The following ZSCAN26 variants were observed in gnomAD, a reference collection of about 807,000 sequenced individuals.
The protein encoded by ZSCAN26 is zinc finger and SCAN domain containing 26.
In ZSCAN26, 26 loss-of-function variants were observed where a neutral mutation model predicts 23.0. That is an observed-to-expected ratio of 1.13 (90% CI 0.83 to 1.57). The LOEUF (loss-of-function observed/expected upper bound fraction) is 1.57, where lower values mean the gene tolerates loss of function less well. ZSCAN26 is among the 40% of genes most tolerant of loss of function. The pLI is 0.00. For missense variants in ZSCAN26, 528 were observed against 568.5 expected (o/e 0.93, Z 0.72); for synonymous variants, 180 against 202.5 (o/e 0.89, Z 0.94).
rs947636904 is a variant in ZSCAN26 at position 28,277,984 on chromosome 6, C to T, written c.*888C>T. ...TTGAAATGTTGCTTGTTCTGGAATA[C>T]TTCGGAAGTTAAACAATAAAGTCAG... On this transcript the variant is annotated 3_prime_UTR_variant, in exon 4 of 4. Coordinates refer to ENST00000421553, the MANE Select transcript of ZSCAN26 (RefSeq NM_001023560.4). 1 of 152,120 alleles carries T rather than the reference C, an allele frequency of 6.6e-6. No homozygotes were observed. The highest frequency in any genetic ancestry group is 2.4e-5 in the African/African-American group (1 of 41,408). 9.4% of individuals were successfully genotyped at this position (152,120 alleles called of 1,614,324 possible). A position where few individuals can be genotyped will look rare whatever the true frequency, so the allele number is the denominator to read the frequency against.
Position 28,272,145 on chromosome 6 carries a change from T to C in ZSCAN26, c.226T>C (p.Cys76Arg). The change falls in exon 2 of 4, where the codon TGT becomes CGT. Residue 76 changes from cysteine (C) to arginine (R), a missense_variant. Coordinates refer to ENST00000421553, the MANE Select transcript of ZSCAN26 (RefSeq NM_001023560.4). ...REALSRLREL[C>R]QQWLQPETHT... ...AGCACTAAGTCGGCTCCGGGAGCTC[T>C]GTCAACAGTGGCTACAGCCCGAGAC... 2 of 1,612,880 alleles carry C rather than the reference T, an allele frequency of 1.2e-6. No individual in the cohort carries two copies. Among genetic ancestry groups the C allele is most frequent in the South Asian group, 1.1e-5 (1 of 90,792 alleles).
In ZSCAN26 at chr6:28,267,418, T is replaced by C. The variant is rs1241768481; in HGVS notation, c.-67+205T>C. ...AGTACAACCTTCTGCTGCATATTTT[T>C]CATCCATTCAGCGCAATTTTAAGTA... On this transcript the variant is annotated intron_variant, in intron 1 of 3. Transcript: ENST00000421553. The C allele has an allele frequency of 3.3e-5, 5 of 151,994 alleles. No homozygotes were observed. In the East Asian group the frequency reaches 9.7e-4, roughly 30 times the overall value. 9.4% of individuals were successfully genotyped at this position (151,994 alleles called of 1,614,324 possible). A position where few individuals can be genotyped will look rare whatever the true frequency, so the allele number is the denominator to read the frequency against.
chr6:28,271,802 C>A, intron 1 of ZSCAN26, 52 bp from the exon 2 acceptor site: 1 of 897,794 alleles, frequency 1.1e-6, no homozygotes, highest in Non-Finnish European at 1.7e-6. Context: ...TGTTACTGTT[C>A]TTGTTAGCAG....
chr6:28,271,801 T>A, intron 1 of ZSCAN26, 53 bp from the exon 2 acceptor site: 1 of 894,252 alleles, frequency 1.1e-6, no homozygotes, highest in Non-Finnish European at 1.7e-6. Context: ...ATGTTACTGT[T>A]CTTGTTAGCA....
chr6:28,277,952 T>C lies in ZSCAN26; in HGVS notation c.*856T>C, dbSNP rs1487324947. Reference sequence around the variant, plus strand: ...GACTTTTTCCCTTTAATACTGATGATGCAATTTTGAAATGTTGCTTGTTCT... The same window carrying C: ...GACTTTTTCCCTTTAATACTGATGACGCAATTTTGAAATGTTGCTTGTTCT... On this transcript the variant is annotated 3_prime_UTR_variant, in exon 4 of 4. Coordinates refer to ENST00000421553, the MANE Select transcript of ZSCAN26 (RefSeq NM_001023560.4). 1 of 152,232 alleles carries C rather than the reference T, an allele frequency of 6.6e-6. No homozygotes were observed. Among genetic ancestry groups the C allele is most frequent in the Non-Finnish European group, 1.5e-5 (1 of 68,044 alleles). 9.4% of individuals were successfully genotyped at this position (152,232 alleles called of 1,614,324 possible). A position where few individuals can be genotyped will look rare whatever the true frequency, so the allele number is the denominator to read the frequency against.
At chr6:28,275,145 G>C (rs981756917) in intron 3 of ZSCAN26, among the ~76,000 whole-genome samples, 2 of 151,968 alleles carry the variant, frequency 1.3e-5, no homozygotes, top group Non-Finnish European at 2.9e-5. Flanking sequence ...TGCTCACACT[G>C]ATTAACCCTC....
In ZSCAN26 at chr6:28,276,631, C is replaced by T. The variant is rs2113729478; in HGVS notation, c.975C>T (p.Gly325=). 6.2e-7 allele frequency: 1 copy of T among 1,611,752 alleles called. No homozygotes were observed. Among genetic ancestry groups the T allele is most frequent in the Non-Finnish European group, 8.5e-7 (1 of 1,178,870 alleles). ...ECGKVFSQNA[G]LLEHLRIHTG... Reference sequence around the variant, plus strand: ...GCAAAGTCTTTAGCCAGAATGCAGGCCTTTTGGAACATCTCAGAATTCATA... The same window carrying T: ...GCAAAGTCTTTAGCCAGAATGCAGGTCTTTTGGAACATCTCAGAATTCATA... Residue 325 remains glycine (G), a synonymous_variant, in exon 4 of 4, where the codon GGC becomes GGT. Coordinates refer to ENST00000421553, the MANE Select transcript of ZSCAN26 (RefSeq NM_001023560.4).
Position 28,272,232 on chromosome 6 carries a change from A to G in ZSCAN26, c.313A>G (p.Lys105Glu). The G allele has an allele frequency of 6.2e-7, 1 of 1,613,776 alleles. No homozygotes were observed. Reference sequence around the variant, plus strand: ...GGAGCAGTTTCTGATCATCCTGCCTAAGGAGCTCCAGGCCCGGGTGCAGGA... The same window carrying G: ...GGAGCAGTTTCTGATCATCCTGCCTGAGGAGCTCCAGGCCCGGGTGCAGGA... The part of the protein sequence containing the change: ...VLEQFLIILP[K>E]ELQARVQEHH... The change falls in exon 2 of 4, where the codon AAG becomes GAG. Residue 105 changes from lysine (K) to glutamate (E), a missense_variant. Coordinates refer to ENST00000421553, the MANE Select transcript of ZSCAN26 (RefSeq NM_001023560.4).
chr6:28,271,762 G>A, intron 1 of ZSCAN26, 92 bp from the exon 2 acceptor site: 1 of 664,328 alleles, frequency 1.5e-6, no homozygotes, highest in South Asian at 2.5e-5. Context: ...AGAAAAAATG[G>A]ATAATAGGAA....
In ZSCAN26 at chr6:28,272,159, A is replaced by G. The variant is rs1381250371; in HGVS notation, c.240A>G (p.Leu80=). 1 of 1,613,330 alleles carries G rather than the reference A, an allele frequency of 6.2e-7. No homozygotes were observed. ...SRLRELCQQW[L]QPETHTKEQI... is the part of the protein sequence containing the mutation. ...TCCGGGAGCTCTGTCAACAGTGGCT[A>G]CAGCCCGAGACCCATACCAAGGAGC... The change falls in exon 2 of 4, where the codon CTA becomes CTG. Residue 80 remains leucine, a synonymous_variant. Coordinates refer to ENST00000421553, the MANE Select transcript of ZSCAN26 (RefSeq NM_001023560.4).
At position 28,273,559 on chromosome 6, in the gene ZSCAN26, A is replaced by C. The variant is rs113830178; in HGVS notation, c.538+772A>C. On this transcript the variant is annotated intron_variant, in intron 3 of 3. Transcript: ENST00000421553. ...CTGTCTCAAAAAACAAACAAACAAA[A>C]AAAAAAACAAGTACTGCTAGTTTCT... Among the ~76,000 whole-genome samples the C allele has an allele frequency of 5.5e-3, 838 of 151,728 alleles. 4 individuals carry two copies. Among genetic ancestry groups the C allele is most frequent in the African/African-American group, 0.016 (656 of 41,228 alleles).
chr6:28,269,565 G>A (rs928491957), intron 1 of ZSCAN26, among the ~76,000 whole-genome samples: 1 of 152,154 alleles, frequency 6.6e-6, no homozygotes, highest in African/African-American at 2.4e-5. Context: ...AGAACCAGGA[G>A]AGCTGATGGT....
rs1761729988 is a variant in ZSCAN26 at position 28,272,325 on chromosome 6, A to G, written c.406A>G (p.Thr136Ala). 7 of 1,535,826 alleles carry G rather than the reference A, an allele frequency of 4.6e-6. No homozygotes were observed. The highest frequency in any genetic ancestry group is 6.1e-6 in the Non-Finnish European group (7 of 1,139,632). ...LEDLQLDLGETGQQVDPDQPK... is the reference protein window; with the variant it reads ...LEDLQLDLGEAGQQVDPDQPK... ...GGATTTGCAGCTGGATCTTGGAGAA[A>G]CAGGACAACAGGTGGTAAGGGTCAG... The change falls in exon 2 of 4, where the codon ACA becomes GCA. Residue 136 changes from threonine to alanine, a missense_variant. Coordinates refer to ENST00000421553, the MANE Select transcript of ZSCAN26 (RefSeq NM_001023560.4).
rs892204811 is a variant in ZSCAN26, at chr6:28,272,096, T to A, written c.177T>A (p.Tyr59Ter). 1 of 1,586,444 alleles carries A rather than the reference T, an allele frequency of 6.3e-7. No individual in the cohort carries two copies. The highest frequency in any genetic ancestry group is 8.6e-7 in the Non-Finnish European group (1 of 1,165,854). Residue 59 changes from tyrosine to a stop codon, truncating the protein, a stop_gained, in exon 2 of 4, where the codon TAT becomes TAA. Transcript: ENST00000421553. LOFTEE classifies it high-confidence loss of function. ...GCAAACAATTCAGGCAGTTGCGTTA[T>A]GAAGAGACCACAGGACCTCGAGAAG... ...PLCKQFRQLRYEETTGPREAL... is the reference protein window; with the variant it reads ...PLCKQFRQLR
intron 1 of ZSCAN26, among the ~76,000 whole-genome samples, chr6:28,268,435 C>T (rs1761533179): frequency 6.6e-6 from 1 of 152,068 alleles, no homozygotes; most frequent in African/African-American, 2.4e-5. Context: ...GAACTTGATC[C>T]TAAGGGTAAT....
In ZSCAN26 at chr6:28,276,896, C is replaced by T. The variant is rs1761969658; in HGVS notation, c.1240C>T (p.His414Tyr). 1.9e-6 allele frequency: 3 copies of T among 1,613,946 alleles called. No individual in the cohort carries two copies. Among genetic ancestry groups the T allele is most frequent in the Non-Finnish European group, 2.5e-6 (3 of 1,179,872 alleles). ...TTTGACCTCAGACCTTATTCGACAC[C>T]ACAGAATTCATACTGGAGAAAAACC... Reference protein sequence around the residue: ...FSLTSDLIRHHRIHTGEKPFK... With the variant: ...FSLTSDLIRHYRIHTGEKPFK... The change falls in exon 4 of 4, where the codon CAC (histidine) becomes TAC (tyrosine). Residue 414 changes from histidine to tyrosine, a missense_variant. By Grantham distance (83) the His-to-Tyr change is moderately conservative. Transcript: ENST00000421553.
chr6:28,269,231 A>T (rs1295156483), intron 1 of ZSCAN26, among the ~76,000 whole-genome samples: 1 of 152,138 alleles, frequency 6.6e-6, no homozygotes, highest in Admixed American at 6.5e-5. Flanking sequence ...TGGCATAGAT[A>T]TATACTGATA....
In ZSCAN26 at chr6:28,272,069, G is replaced by A. The variant is rs1323424869; in HGVS notation, c.150G>A (p.Leu50=). The A allele has an allele frequency of 3.3e-5, 51 of 1,561,742 alleles. No individual in the cohort carries two copies. Among genetic ancestry groups the A allele is most frequent in the Non-Finnish European group, 3.8e-5 (44 of 1,152,572 alleles). The change falls in exon 2 of 4, where the codon TTG becomes TTA. Residue 50 remains leucine (L), a synonymous_variant. Coordinates refer to ENST00000421553, the MANE Select transcript of ZSCAN26 (RefSeq NM_001023560.4). ...GTAAAGGCCTTGGACAGGAGCCATT[G>A]TGCAAACAATTCAGGCAGTTGCGTT... is the stretch of plus-strand genomic sequence containing the variant. The part of the protein sequence containing the change: ...GNSKGLGQEP[L]CKQFRQLRYE...
intron 1 of ZSCAN26, among the ~76,000 whole-genome samples, chr6:28,271,247 G>A (rs923107759): frequency 2.6e-5 from 4 of 152,062 alleles, no homozygotes; most frequent in South Asian, 2.1e-4. Flanking sequence ...TCCATATAAC[G>A]TTTTCCCAGC....
Sources: gnomAD v4.1 joint callset for allele counts (sites outside exome capture counted in the v4.1 genomes callset) on GRCh38, gnomAD v4.1.1 for gene constraint, MANE v1.5 for transcripts, NCBI Gene and HGNC (gene_info 2026-07-23, HGNC 2026-07-21) for gene names.